Variants in ELF4 observed in about 807,000 individuals in gnomAD.
ELF4 encodes ETS-related transcription factor Elf-4.
A neutral mutation model predicts 31.7 loss-of-function variants in ELF4; 10 were observed. The ratio of observed to expected loss-of-function variants is 0.32; its 90% CI spans 0.19 to 0.54. The LOEUF (loss-of-function observed/expected upper bound fraction) is 0.54, where lower values mean the gene tolerates loss of function less well. Among genes scored for constraint, ELF4 ranks in the 20% least tolerant of loss-of-function variants. ELF4 has a pLI of 0.95. For synonymous variants in ELF4, 208 were observed against 226.7 expected (o/e 0.92, Z 0.74); for missense variants, 418 against 522.0 (o/e 0.80, Z 1.94).
At position 130,067,023 on chromosome X, in the gene ELF4, C is replaced by A; in HGVS notation, c.1690G>T (p.Glu564Ter). The A allele has an allele frequency of 8.2e-7, 1 of 1,212,328 alleles. No individual in the cohort carries two copies. ...TCTCTCAGGAGCTCCCTCAGGGTCT[C>A]TTCAGGAACCAGCAGCCCCTCCATG... ...APMEGLLVPE[E>*]TLRELLRDQA... Residue 564 changes from glutamate (E) to a stop codon, truncating the protein, a stop_gained, in exon 9 of 9, where the codon GAG (glutamate) becomes TAG (stop). Transcript: ENST00000308167. LOFTEE classifies it high-confidence loss of function.
chrX:130,107,325 C>T (rs1262592619), intron 1 of ELF4, among the ~76,000 whole-genome samples: 1 of 109,950 alleles, frequency 9.1e-6, no homozygotes, highest in Non-Finnish European at 1.9e-5. Context: ...TCCTTTCCCT[C>T]TCATTCACCC....
At chrX:130,076,763 AT>A (rs1278834646) in intron 2 of ELF4, among the ~76,000 whole-genome samples, 9 of 111,203 alleles carry the variant, frequency 8.1e-5, no homozygotes, top group Non-Finnish European at 1.7e-4. Context: ...GTTTTGAATG[AT>A]TTTTTTCCCC....
At chrX:130,098,535 C>A (rs1016085439) in intron 1 of ELF4, among the ~76,000 whole-genome samples, 3 of 111,808 alleles carry the variant, frequency 2.7e-5, no homozygotes, top group Admixed American at 9.5e-5. Context: ...AGTCCTTGGG[C>A]ACAATCTTGG....
intron 1 of ELF4, among the ~76,000 whole-genome samples, chrX:130,095,237 G>A (rs922198343): frequency 8.0e-5 from 9 of 112,253 alleles, no homozygotes; most frequent in African/African-American, 1.9e-4. Flanking sequence ...TGGCAGAGCC[G>A]GGGTTTGAAC....
rs1364438091 is a variant in ELF4 at position 130,081,247 on chromosome X, G to T, written c.75+9C>A. 3.3e-6 allele frequency: 4 copies of T among 1,210,017 alleles called. No homozygotes were observed. The African/African-American group carries it at 7.0e-5, about 21-fold the overall frequency. On this transcript the variant is annotated intron_variant, in intron 2 of 8. Coordinates refer to ENST00000308167, the MANE Select transcript of ELF4 (RefSeq NM_001421.4). ...GGGGCTAACTGTGCTCTGTTCTCTG[G>T]GGCCATACCTGGTGGATATCATCAT...
chrX:130,107,535 C>T (rs1315137712), intron 1 of ELF4, among the ~76,000 whole-genome samples: 1 of 111,645 alleles, frequency 9.0e-6, no homozygotes, highest in Non-Finnish European at 1.9e-5. Flanking sequence ...CCTTCCTGTA[C>T]ACCTGCTCTG....
chrX:130,090,209 T>TA (rs1206324490), intron 1 of ELF4, among the ~76,000 whole-genome samples: 2 of 110,471 alleles, frequency 1.8e-5, no homozygotes, highest in African/African-American at 6.6e-5. Flanking sequence ...TTGTCTATAA[T>TA]AAAAAATACA....
At chrX:130,101,683 CGGGAGG>C (rs1933257049) in intron 1 of ELF4, among the ~76,000 whole-genome samples, 1 of 109,799 alleles carries the variant, frequency 9.1e-6, no homozygotes, top group Non-Finnish European at 1.9e-5. Context: ...CCCAGGTACT[CGGGAGG>C]TCGGGAGGCT....
intron 8 of ELF4, 99 bp from the exon 9 acceptor site, chrX:130,067,624 G>T: frequency 3.3e-6 from 3 of 899,213 alleles, no homozygotes; most frequent in Non-Finnish European, 4.8e-6. Context: ...GGTGTTTGTC[G>T]ATTTATTTGC....
At chrX:130,090,508 C>T (rs1933040627) in intron 1 of ELF4, among the ~76,000 whole-genome samples, 1 of 112,136 alleles carries the variant, frequency 8.9e-6, no homozygotes, top group Non-Finnish European at 1.9e-5. Context: ...TCCCCCAGGC[C>T]TGACAGGCCC....
intron 7 of ELF4, 60 bp downstream of exon 7, chrX:130,070,979 AC>A (rs760182270): frequency 4.8e-5 from 57 of 1,190,385 alleles, no homozygotes; most frequent in Non-Finnish European, 6.4e-5. Flanking sequence ...GACTCCTTGG[AC>A]TTAAGGAAGG....
At position 130,092,305 on chromosome X, in the gene ELF4, G is replaced by T. The variant is rs1175471838; in HGVS notation, c.-209-10766C>A. On this transcript the variant is annotated intron_variant, in intron 1 of 8. Coordinates refer to ENST00000308167, the MANE Select transcript of ELF4 (RefSeq NM_001421.4). ...CAGGGGTTTCAGCAGTTTCCCCTTC[G>T]GGGCCTGCTGGCCCTCCCAGCCCCG... Among the ~76,000 whole-genome samples the T allele has an allele frequency of 2.7e-5, 3 of 113,163 alleles. No homozygotes were observed. The Admixed American group carries it at 2.8e-4, about 11-fold the overall frequency.
At chrX:130,077,999 T>C (rs1932849193) in intron 2 of ELF4, among the ~76,000 whole-genome samples, 2 of 110,641 alleles carry the variant, frequency 1.8e-5, no homozygotes, top group Non-Finnish European at 1.9e-5. Context: ...CTAAAAGGAG[T>C]GAAAGGGGCT....
chrX:130,072,219 C>T lies in ELF4; in HGVS notation c.532+7G>A, dbSNP rs757435292. On this transcript the variant is annotated splice_region_variant and intron_variant, in intron 5 of 8. Transcript: ENST00000308167. Reference sequence around the variant, plus strand: ...AGACACACATACACTCACTCTCCCCCACTTACTTCTCTTCTTTGATTTCCC... The same window carrying T: ...AGACACACATACACTCACTCTCCCCTACTTACTTCTCTTCTTTGATTTCCC... 9.4e-5 allele frequency: 114 copies of T among 1,209,609 alleles called. No homozygotes were observed. In the Middle Eastern group the frequency reaches 2.8e-3, roughly 29 times the overall value.
At chrX:130,096,615 T>C (rs1193025318) in intron 1 of ELF4, among the ~76,000 whole-genome samples, 1 of 112,111 alleles carries the variant, frequency 8.9e-6, no homozygotes, top group Non-Finnish European at 1.9e-5. Context: ...CTAATAACTA[T>C]ATCTAATAAA....
intron 7 of ELF4, among the ~76,000 whole-genome samples, chrX:130,070,771 CA>C (rs748643492): frequency 0.023 from 546 of 24,003 alleles, 3 homozygotes; most frequent in African/African-American, 0.082. Context: ...GACTCCATCT[CA>C]AAAAAAAAAA....
chrX:130,067,526 C>G lies in ELF4; in HGVS notation c.1188-1G>C. Reference sequence around the variant, plus strand: ...GATGTTGCTGGGCACTGAAGATGCACTGAGAAGAAACAGAGAACAGAGTTG... The same window carrying G: ...GATGTTGCTGGGCACTGAAGATGCAGTGAGAAGAAACAGAGAACAGAGTTG... On this transcript the variant is annotated splice_acceptor_variant, in intron 8 of 8. Transcript: ENST00000308167. LOFTEE classifies it high-confidence loss of function. 1 of 1,211,306 alleles carries G rather than the reference C, an allele frequency of 8.3e-7. No homozygotes were observed. Among genetic ancestry groups the G allele is most frequent in the Non-Finnish European group, 1.1e-6 (1 of 895,058 alleles).
chrX:130,086,798 C>T (rs778293713), intron 1 of ELF4, among the ~76,000 whole-genome samples: 2 of 112,647 alleles, frequency 1.8e-5, no homozygotes, highest in South Asian at 3.6e-4. Context: ...GGGCTGTGGG[C>T]CCCATTAAGC....
chrX:130,108,727 C>G (rs1933418203), intron 1 of ELF4, among the ~76,000 whole-genome samples: 1 of 110,318 alleles, frequency 9.1e-6, no homozygotes, highest in Non-Finnish European at 1.9e-5. Flanking sequence ...GGGAGGAATG[C>G]CAGACATAGT....
Sources: allele counts gnomAD v4.1 joint callset (sites outside exome capture counted in the v4.1 genomes callset), GRCh38; gene constraint gnomAD v4.1.1; transcripts MANE v1.5; gene names NCBI Gene and HGNC (gene_info 2026-07-23, HGNC 2026-07-21).